ZBED6: variants seen among roughly 807,000 people sequenced by gnomAD.
The protein encoded by ZBED6 is zinc finger BED-type containing 6.
Under a neutral mutation model 58.4 loss-of-function variants are expected in ZBED6, and 40 were observed. The observed-to-expected ratio is 0.68, with a 90% confidence interval of 0.53 to 0.89. The LOEUF is 0.89. Ranked by LOEUF, ZBED6 falls within the 40% of genes least tolerant of loss-of-function variation. ZBED6 has a pLI of 0.00. For synonymous variants in ZBED6, 439 were observed against 350.6 expected, an observed-to-expected ratio of 1.25 and a Z score of -2.82; for missense variants, 1,057 against 1,003.9, an observed-to-expected ratio of 1.05 and a Z score of -0.71.
chr1:203,799,894 A>C, exon 1 of ZBED6: 1 of 1,536,078 alleles, frequency 6.5e-7, no homozygotes, highest in Non-Finnish European at 8.7e-7. Context: ...TTAGAAACTT[A>C]TAAGCAGTTC....
intron 6 of ZBED6, 25 bp from the exon 7 acceptor site, chr1:203,830,098 A>G (rs975323708): frequency 1.3e-6 from 2 of 1,560,338 alleles, no homozygotes; most frequent in African/African-American, 2.7e-5. Context: ...CCCGTTCCTC[A>G]TAAAATTTCT....
At position 203,812,005 on chromosome 1, in the gene ZBED6, C is replaced by T. The variant is rs555677338; in HGVS notation, c.*2555-4921C>T. Among the ~76,000 whole-genome samples, 315 of 149,774 alleles carry T rather than the reference C, an allele frequency of 2.1e-3. 1 individual carries two copies. Among genetic ancestry groups the T allele is most frequent in the African/African-American group, 7.5e-3 (305 of 40,770 alleles). ...TAATTTTTATATTTTTTGATAGAGA[C>T]GAGGTTTCACCATGTTGGCCAGGCT... On this transcript the variant is annotated intron_variant, in intron 1 of 16. Transcript: ENST00000550078.
chr1:203,828,261 T>C (rs188662558), intron 3 of ZBED6, 38 bp from the exon 4 acceptor site: 1 of 1,612,790 alleles, frequency 6.2e-7, no homozygotes, highest in East Asian at 2.2e-5. Flanking sequence ...TACGTATCAC[T>C]GTTTTATTTG....
At chr1:203,831,810 C>T in intron 8 of ZBED6, 39 bp downstream of exon 8, 2 of 1,513,752 alleles carry the variant, frequency 1.3e-6, no homozygotes, top group African/African-American at 1.4e-5. Context: ...CAAGCCTCTA[C>T]TTTTATATAA....
intron 1 of ZBED6, chr1:203,806,308 C>CT (rs201752688): frequency 0.027 from 5,656 of 209,498 alleles, no homozygotes; most frequent in South Asian, 0.065. Flanking sequence ...TTTCTTTTTC[C>CT]TTTTTTTTTT....
At chr1:203,796,091 TC>T (rs1324110067) in exon 1 of ZBED6, 1 of 73,388 alleles carries the variant, frequency 1.4e-5, no homozygotes, top group Non-Finnish European at 2.7e-5. Context: ...CTTCCTCCCC[TC>T]CCCCACATCC....
chr1:203,843,828 T>A (rs138582567), intron 11 of ZBED6, among the ~76,000 whole-genome samples: 1 of 152,270 alleles, frequency 6.6e-6, no homozygotes, highest in East Asian at 1.9e-4. Context: ...CTTTGTTCTC[T>A]TATTTTTTTT....
chr1:203,840,772 T>TA (rs1408163189), intron 11 of ZBED6, among the ~76,000 whole-genome samples: 1 of 152,038 alleles, frequency 6.6e-6, no homozygotes, highest in African/African-American at 2.4e-5. Context: ...TAGCTAGAAT[T>TA]ACAGGCGTAC....
chr1:203,851,090 G>A, exon 16 of ZBED6: 1 of 1,614,162 alleles, frequency 6.2e-7, no homozygotes, highest in South Asian at 1.1e-5. Flanking sequence ...GGACAAATCA[G>A]TCACTGTGCC....
At chr1:203,826,342 A>G (rs1680518738) in intron 3 of ZBED6, among the ~76,000 whole-genome samples, 1 of 150,950 alleles carries the variant, frequency 6.6e-6, no homozygotes, top group South Asian at 2.1e-4. Context: ...GAAAATATCA[A>G]TAATATTAAA....
At chr1:203,814,134 T>C (rs1015802409) in intron 1 of ZBED6, among the ~76,000 whole-genome samples, 5 of 152,196 alleles carry the variant, frequency 3.3e-5, no homozygotes, top group Non-Finnish European at 5.9e-5. Flanking sequence ...ACACTTTGCT[T>C]AGAAATCTCC....
exon 1 of ZBED6, chr1:203,798,380 T>C: frequency 6.5e-7 from 1 of 1,534,874 alleles, no homozygotes; most frequent in Non-Finnish European, 8.7e-7. Context: ...CTGTGTGTAA[T>C]ATATGTAAAA....
chr1:203,846,981 G>GT (rs1202816235), intron 11 of ZBED6, among the ~76,000 whole-genome samples: 1 of 151,480 alleles, frequency 6.6e-6, no homozygotes, highest in Non-Finnish European at 1.5e-5. Context: ...CTCCAGCCTG[G>GT]GTAACAGAGT....
chr1:203,819,844 AT>A (rs991581429), intron 3 of ZBED6, among the ~76,000 whole-genome samples: 4 of 151,514 alleles, frequency 2.6e-5, no homozygotes, highest in Admixed American at 2.6e-4. Context: ...GACTCCAGCA[AT>A]TTTTTTAAAA....
intron 10 of ZBED6, among the ~76,000 whole-genome samples, chr1:203,839,397 G>GT (rs1238098541): frequency 1.3e-5 from 2 of 152,166 alleles, no homozygotes; most frequent in Non-Finnish European, 1.5e-5. Context: ...TTAGATTTAT[G>GT]TTTTTTCTGC....
At chr1:203,823,713 T>C (rs548778497) in intron 3 of ZBED6, among the ~76,000 whole-genome samples, 1 of 152,296 alleles carries the variant, frequency 6.6e-6, no homozygotes, top group South Asian at 2.1e-4. Context: ...AAGAACTAAA[T>C]ACTTATACTT....
intron 1 of ZBED6, among the ~76,000 whole-genome samples, chr1:203,811,143 C>CA (rs535589700): frequency 0.014 from 996 of 73,492 alleles, 11 homozygotes; most frequent in East Asian, 0.054. Flanking sequence ...AACTCTGTCA[C>CA]AAAAAAAAAA....
exon 12 of ZBED6, chr1:203,847,227 A>G (rs980522048): frequency 3.7e-6 from 6 of 1,613,888 alleles, no homozygotes; most frequent in Non-Finnish European, 5.1e-6. Flanking sequence ...AGACATTAGA[A>G]GAAATTCTTC....
intron 1 of ZBED6, among the ~76,000 whole-genome samples, chr1:203,804,014 T>G (rs1050582515): frequency 2.6e-5 from 4 of 152,326 alleles, no homozygotes; most frequent in East Asian, 1.9e-4. Context: ...CATTATTTTT[T>G]GGGGAGAAGT....
Sources: allele counts gnomAD v4.1 joint callset (sites outside exome capture counted in the v4.1 genomes callset), GRCh38; gene constraint gnomAD v4.1.1; transcripts MANE v1.5; gene names NCBI Gene and HGNC (gene_info 2026-07-23, HGNC 2026-07-21).